ACBD5: variants seen among roughly 807,000 people sequenced by gnomAD.
The protein encoded by ACBD5 is acyl-CoA binding domain containing 5, also known as acyl-CoA-binding domain-containing protein 5.
ACBD5 carries 40 observed loss-of-function variants against 71.8 expected under a neutral mutation model. The ratio of observed to expected loss-of-function variants is 0.56; its 90% CI spans 0.43 to 0.72. ACBD5 has a LOEUF of 0.72. Among genes scored for constraint, ACBD5 ranks in the 30% least tolerant of loss-of-function variants. ACBD5 has a pLI of 0.00. For synonymous variants in ACBD5, 229 were observed against 218.6 expected, an observed-to-expected ratio of 1.05 and a Z score of -0.42; for missense variants, 559 against 644.5, an observed-to-expected ratio of 0.87 and a Z score of 1.44.
rs1241656120 is a variant in ACBD5 at position 27,240,124 on chromosome 10, T to G, written c.181+195A>C. Reference sequence around the variant, plus strand: ...TTTGTTTTCAACAATATGAAGTACTTAAAATCTGGATATTAGATTTTTCTC... The same window carrying G: ...TTTGTTTTCAACAATATGAAGTACTGAAAATCTGGATATTAGATTTTTCTC... On this transcript the variant is annotated intron_variant, in intron 2 of 12. Transcript: ENST00000396271. The surrounding 1 kb of genome is among the most constrained non-coding windows in gnomAD (Gnocchi z 4.1). Among the ~76,000 whole-genome samples the G allele has an allele frequency of 6.6e-6, 1 of 152,220 alleles. No homozygotes were observed. The highest frequency in any genetic ancestry group is 1.5e-5 in the Non-Finnish European group (1 of 68,044).
chr10:27,207,315 C>T (rs2060574095), intron 10 of ACBD5, among the ~76,000 whole-genome samples: 1 of 127,652 alleles, frequency 7.8e-6, no homozygotes, highest in South Asian at 2.5e-4. Context: ...ATAATAATAA[C>T]ATGTAACTGA....
intron 10 of ACBD5, among the ~76,000 whole-genome samples, chr10:27,206,192 G>A (rs1475157272): frequency 2.0e-5 from 3 of 151,794 alleles, no homozygotes; most frequent in African/African-American, 7.3e-5. Context: ...GTGAGCCATG[G>A]GCCTAGCCTA....
At chr10:27,194,618 T>TAATAAC (rs1342833816), downstream of ACBD5, among the ~76,000 whole-genome samples, 10 of 139,034 alleles carry the variant, frequency 7.2e-5, no homozygotes, top group Admixed American at 4.2e-4. Flanking sequence ...TCTCAAATAA[T>TAATAAC]AATAATAATA....
chr10:27,235,044 T>G (rs1400810444), intron 3 of ACBD5, 48 bp downstream of exon 3: 2 of 1,568,606 alleles, frequency 1.3e-6, no homozygotes, highest in Non-Finnish European at 1.8e-6. Flanking sequence ...ATATGATAAT[T>G]ATGTCATTAA....
chr10:27,202,629 T>C (rs1301544054), intron 12 of ACBD5, among the ~76,000 whole-genome samples: 1 of 152,200 alleles, frequency 6.6e-6, no homozygotes, highest in Non-Finnish European at 1.5e-5. Context: ...GCTTCCATCT[T>C]AAGCATAAAA....
chr10:27,228,813 ATATTTTTT>A (rs1424631478), intron 4 of ACBD5, among the ~76,000 whole-genome samples: 318 of 7,578 alleles, frequency 0.042, 4 homozygotes, highest in East Asian at 0.21. Flanking sequence ...ATATATATAT[ATATTTTTT>A]TTTTTTTTTT....
intron 5 of ACBD5, chr10:27,220,408 C>T (rs1478325664): frequency 6.5e-6 from 1 of 153,110 alleles, no homozygotes; most frequent in Non-Finnish European, 1.5e-5. Context: ...AGCTATATCC[C>T]GAGGGTAAAT....
At chr10:27,204,140 A>G (rs2060222436) in intron 12 of ACBD5, among the ~76,000 whole-genome samples, 2 of 4,558 alleles carry the variant, frequency 4.4e-4, no homozygotes, top group Non-Finnish European at 1.9e-3. Context: ...CCCAGTCTCA[A>G]AAAAAAAAAA....
chr10:27,199,849 G>A (rs979653708), intron 12 of ACBD5, among the ~76,000 whole-genome samples: 1 of 152,058 alleles, frequency 6.6e-6, no homozygotes, highest in Admixed American at 6.6e-5. Context: ...CAAATTAGCC[G>A]GGCGTGGTGG....
chr10:27,198,407 A>G lies in ACBD5; in HGVS notation c.1566-965T>C, dbSNP rs190425672. Among the ~76,000 whole-genome samples, 426 of 152,344 alleles carry G rather than the reference A, an allele frequency of 2.8e-3. 1 individual carries two copies. The highest frequency in any genetic ancestry group is 9.6e-3 in the African/African-American group (401 of 41,580). On this transcript the variant is annotated intron_variant, in intron 12 of 12. Transcript: ENST00000396271. ...GCTCTAAAATCTACAAACCCTCCCC[A>G]GCACTCAAGATGCCAAAATGCCTGA...
At chr10:27,232,314 C>T (rs1471237771) in intron 3 of ACBD5, 1 of 146,994 alleles carries the variant, frequency 6.8e-6, no homozygotes, top group East Asian at 2.0e-4. Context: ...AGCTGTAACA[C>T]TCAGGCATGG....
Position 27,218,065 on chromosome 10 carries a change from G to A in ACBD5, c.744C>T (p.Ser248=), listed in dbSNP as rs370557975. The part of the protein sequence containing the change: ...DIQNDIHASS[S]LNGRSTEEVK... Reference sequence around the variant, plus strand: ...CTTCTTCAGTGCTTCTGCCATTCAGGGAAGAACTGGCATGAATGTCATTCT... The same window carrying A: ...CTTCTTCAGTGCTTCTGCCATTCAGAGAAGAACTGGCATGAATGTCATTCT... Residue 248 remains serine, a synonymous_variant, in exon 7 of 13, where the codon TCC becomes TCT. Coordinates refer to ENST00000396271, the MANE Select transcript of ACBD5 (RefSeq NM_145698.5). 1 of 1,614,068 alleles carries A rather than the reference G, an allele frequency of 6.2e-7. No individual in the cohort carries two copies. Among genetic ancestry groups the A allele is most frequent in the Non-Finnish European group, 8.5e-7 (1 of 1,180,016 alleles).
chr10:27,232,631 A>G (rs889208808), intron 3 of ACBD5, among the ~76,000 whole-genome samples: 5 of 152,050 alleles, frequency 3.3e-5, no homozygotes, highest in Admixed American at 2.6e-4. Context: ...CCAGCCAGCC[A>G]TGTTTTAAAT....
intron 3 of ACBD5, chr10:27,232,244 T>C (rs1308971838): frequency 2.6e-5 from 4 of 154,130 alleles, no homozygotes; most frequent in South Asian, 4.0e-4. Flanking sequence ...CTTTTTAATA[T>C]AAATTTCTCA....
intron 13 of ACBD5, among the ~76,000 whole-genome samples, chr10:27,188,661 G>A (rs2058919609): frequency 6.6e-6 from 1 of 152,190 alleles, no homozygotes; most frequent in Non-Finnish European, 1.5e-5. Context: ...AGCATGTGAA[G>A]CTATAGTCAC....
intron 2 of ACBD5, 42 bp from the exon 3 acceptor site, chr10:27,235,254 C>A: frequency 6.2e-7 from 1 of 1,610,582 alleles, no homozygotes; most frequent in Non-Finnish European, 8.5e-7. Flanking sequence ...CTGGGGAATA[C>A]AACTGATAAT....
chr10:27,204,373 C>T lies in ACBD5; in HGVS notation c.1565+67G>A, dbSNP rs1053567709. The stretch of plus-strand genomic sequence containing the variant: ...TGGACCTAGCATCCCTTAATTGCTG[C>T]TGAAAACTCTGTCTACTATAGGTTA... On this transcript the variant is annotated intron_variant, in intron 12 of 12. Coordinates refer to ENST00000396271, the MANE Select transcript of ACBD5 (RefSeq NM_145698.5). 6.7e-6 allele frequency: 8 copies of T among 1,191,836 alleles called. No individual in the cohort carries two copies. The African/African-American group carries it at 1.1e-4, about 16-fold the overall frequency. The allele number at this position is 1,191,836 out of a possible 1,614,324, so 73.8% of individuals were successfully genotyped here.
chr10:27,212,133 G>A (rs2061152521), intron 8 of ACBD5, among the ~76,000 whole-genome samples: 6 of 152,180 alleles, frequency 3.9e-5, no homozygotes, highest in Admixed American at 3.9e-4. Context: ...CAGATCACTT[G>A]AGGCTAGGAG....
intron 12 of ACBD5, among the ~76,000 whole-genome samples, chr10:27,198,209 G>A (rs751629426): frequency 2.6e-5 from 4 of 152,192 alleles, no homozygotes; most frequent in Non-Finnish European, 5.9e-5. Flanking sequence ...AAATGAGGCA[G>A]GCTCTCAGGC....
Sources: gnomAD v4.1 joint callset for allele counts (sites outside exome capture counted in the v4.1 genomes callset) on GRCh38, gnomAD v4.1.1 for gene constraint, Gnocchi (gnomAD v3.1) non-coding constraint, MANE v1.5 for transcripts, NCBI Gene and HGNC (gene_info 2026-07-23, HGNC 2026-07-21) for gene names.